SLC39A11: variants seen among roughly 807,000 people sequenced by gnomAD.
The protein encoded by SLC39A11 is zinc transporter ZIP11.
Under a neutral mutation model 36.1 loss-of-function variants are expected in SLC39A11, and 33 were observed. The ratio of observed to expected loss-of-function variants is 0.91; its 90% CI spans 0.69 to 1.22. The LOEUF (loss-of-function observed/expected upper bound fraction) is 1.22. Ranked by LOEUF, SLC39A11 falls within the 50% of genes most tolerant of loss-of-function variation. The pLI is 0.00. For missense variants in SLC39A11, 432 were observed against 430.3 expected, an observed-to-expected ratio of 1.00 and a Z score of -0.03; for synonymous variants, 166 against 170.3, an observed-to-expected ratio of 0.97 and a Z score of 0.20.
intron 7 of SLC39A11, among the ~76,000 whole-genome samples, chr17:72,682,990 C>G (rs1274687934): frequency 6.6e-6 from 1 of 152,222 alleles, no homozygotes; most frequent in Non-Finnish European, 1.5e-5. Context: ...AAACTGTCCA[C>G]TTGCACCTCT....
At chr17:72,838,698 GAA>G (rs2078677863) in intron 6 of SLC39A11, among the ~76,000 whole-genome samples, 1 of 152,224 alleles carries the variant, frequency 6.6e-6, no homozygotes, top group Non-Finnish European at 1.5e-5. Flanking sequence ...AGTTGCTTGA[GAA>G]AGAGAGAGAT....
At chr17:72,818,160 T>C (rs1348529480) in intron 6 of SLC39A11, among the ~76,000 whole-genome samples, 1 of 152,148 alleles carries the variant, frequency 6.6e-6, no homozygotes, top group African/African-American at 2.4e-5. Flanking sequence ...AGCCAAACCA[T>C]ATCAGGGGTC....
intron 6 of SLC39A11, chr17:72,837,788 C>T (rs901336682): frequency 2.3e-6 from 1 of 440,504 alleles, no homozygotes. Context: ...AAACCAGACA[C>T]AAAAACATAC....
chr17:72,943,650 G>A (rs957581721), intron 5 of SLC39A11, among the ~76,000 whole-genome samples: 1 of 152,120 alleles, frequency 6.6e-6, no homozygotes, highest in Non-Finnish European at 1.5e-5. Context: ...ATCTCCTAAA[G>A]TAAATCCACC....
At chr17:73,076,802 CTTTTTTTT>C (rs76799031) in intron 3 of SLC39A11, among the ~76,000 whole-genome samples, 12 of 139,448 alleles carry the variant, frequency 8.6e-5, no homozygotes, top group Middle Eastern at 3.8e-3. Flanking sequence ...TTCTTTTTTT[CTTTTTTTT>C]TTTTTTTTAC....
chr17:72,798,375 CAGAG>C (rs1255932298), intron 6 of SLC39A11, among the ~76,000 whole-genome samples: 1 of 149,828 alleles, frequency 6.7e-6, no homozygotes, highest in African/African-American at 2.5e-5. Context: ...ACATGGTGAA[CAGAG>C]AGAGAGACTG....
At chr17:72,936,909 C>CA (rs146505249) in intron 5 of SLC39A11, among the ~76,000 whole-genome samples, 183 of 152,290 alleles carry the variant, frequency 1.2e-3, no homozygotes, top group African/African-American at 4.3e-3. Flanking sequence ...TGGCTGGACT[C>CA]AGAGCTCAGG....
At chr17:72,684,080 T>C (rs1468160008) in intron 7 of SLC39A11, among the ~76,000 whole-genome samples, 2 of 152,188 alleles carry the variant, frequency 1.3e-5, no homozygotes, top group Non-Finnish European at 2.9e-5. Flanking sequence ...AGAGAGGTTT[T>C]TCTGCTCTCC....
chr17:72,769,257 C>T (rs1345439937), intron 6 of SLC39A11, among the ~76,000 whole-genome samples: 1 of 152,224 alleles, frequency 6.6e-6, no homozygotes, highest in Non-Finnish European at 1.5e-5. Flanking sequence ...CCACGGCACT[C>T]ATCTTTCTTT....
intron 3 of SLC39A11, among the ~76,000 whole-genome samples, chr17:73,078,024 G>A (rs1162206877): frequency 9.9e-5 from 15 of 152,110 alleles, no homozygotes; most frequent in African/African-American, 3.6e-4. Flanking sequence ...GGATCACAAG[G>A]TCAGGAGATC....
chr17:72,932,820 C>T (rs2084499994), intron 5 of SLC39A11, among the ~76,000 whole-genome samples: 1 of 152,226 alleles, frequency 6.6e-6, no homozygotes, highest in African/African-American at 2.4e-5. Flanking sequence ...CATCTAGCAG[C>T]CGCTAAGGAG....
At chr17:72,773,563 A>T (rs57177566) in intron 6 of SLC39A11, among the ~76,000 whole-genome samples, 3 of 151,522 alleles carry the variant, frequency 2.0e-5, no homozygotes, top group Non-Finnish European at 2.9e-5. Flanking sequence ...CCATTAAACC[A>T]CTTTTTCTTT....
chr17:72,953,170 A>G (rs968345727), intron 4 of SLC39A11, among the ~76,000 whole-genome samples: 2 of 150,500 alleles, frequency 1.3e-5, no homozygotes, highest in South Asian at 2.1e-4. Context: ...GGAACTTGAG[A>G]CTCCTGTCCT....
At chr17:72,993,397 G>C (rs2089307360) in intron 4 of SLC39A11, among the ~76,000 whole-genome samples, 2 of 152,192 alleles carry the variant, frequency 1.3e-5, no homozygotes, top group African/African-American at 4.8e-5. Flanking sequence ...ATCTGTAGGA[G>C]TTGAAACCCA....
chr17:72,766,994 C>T (rs2075781124), intron 6 of SLC39A11, among the ~76,000 whole-genome samples: 1 of 152,126 alleles, frequency 6.6e-6, no homozygotes, highest in Non-Finnish European at 1.5e-5. Context: ...ACATTCCAAC[C>T]CCACTTCTCC....
intron 7 of SLC39A11, among the ~76,000 whole-genome samples, chr17:72,733,441 A>C (rs888792179): frequency 2.0e-5 from 3 of 151,542 alleles, no homozygotes; most frequent in Non-Finnish European, 4.4e-5. Context: ...GAACGGGTGC[A>C]TGAATGAATG....
rs573444235 is a variant in SLC39A11, at chr17:72,709,168, G to A, written c.671+27482C>T. Among the ~76,000 whole-genome samples, 23 of 152,262 alleles carry A rather than the reference G, an allele frequency of 1.5e-4. No homozygotes were observed. The South Asian group carries it at 4.8e-3, about 32-fold the overall frequency. On this transcript the variant is annotated intron_variant, in intron 7 of 9. Transcript: ENST00000255559. ...TTAGCCAGGATCGTCTCAATCTTCTGACCTCGTGATCCATCTACCTCGGCC... is the reference window on the plus strand; with the variant it reads ...TTAGCCAGGATCGTCTCAATCTTCTAACCTCGTGATCCATCTACCTCGGCC...
At chr17:72,691,975 G>A (rs1262648268) in intron 7 of SLC39A11, among the ~76,000 whole-genome samples, 2 of 151,974 alleles carry the variant, frequency 1.3e-5, no homozygotes, top group Non-Finnish European at 2.9e-5. Context: ...CCTAAACAGG[G>A]GGATTATAAT....
At chr17:72,781,091 G>A (rs953798260) in intron 6 of SLC39A11, among the ~76,000 whole-genome samples, 6 of 152,114 alleles carry the variant, frequency 3.9e-5, no homozygotes, top group East Asian at 1.9e-4. Context: ...TGGCACCTTC[G>A]GTCTCTCTCC....
Sources: allele counts gnomAD v4.1 joint callset (sites outside exome capture counted in the v4.1 genomes callset), GRCh38; gene constraint gnomAD v4.1.1; transcripts MANE v1.5; gene names NCBI Gene and HGNC (gene_info 2026-07-23, HGNC 2026-07-21).